TEX26: variants seen among roughly 807,000 people sequenced by gnomAD.
TEX26 encodes testis expressed 26, also known as testis-expressed protein 26.
TEX26 carries 34 observed loss-of-function variants against 35.3 expected under a neutral mutation model. That is an observed-to-expected ratio of 0.96 (90% CI 0.73 to 1.28). The LOEUF is 1.28. Among genes scored for constraint, TEX26 ranks in the 50% most tolerant of loss-of-function variants. The pLI, the probability that TEX26 is intolerant of heterozygous loss-of-function variation, is 0.00. For synonymous variants in TEX26, 136 were observed against 111.8 expected, an observed-to-expected ratio of 1.22 and a Z score of -1.36; for missense variants, 371 against 330.1, an observed-to-expected ratio of 1.12 and a Z score of -0.96.
intron 6 of TEX26, among the ~76,000 whole-genome samples, chr13:30,970,319 T>G (rs2138347175): frequency 6.6e-6 from 1 of 152,168 alleles, no homozygotes; most frequent in South Asian, 2.1e-4. Context: ...AAGAAGCAGG[T>G]GTTTCCCTCC....
chr13:30,945,929 C>A (rs529805268), intron 2 of TEX26, among the ~76,000 whole-genome samples: 2 of 151,798 alleles, frequency 1.3e-5, no homozygotes, highest in Non-Finnish European at 2.9e-5. Context: ...TGACTATAGG[C>A]GTTGGTAAAG....
chr13:30,948,643 C>G (rs1953807202), intron 2 of TEX26, among the ~76,000 whole-genome samples: 1 of 152,054 alleles, frequency 6.6e-6, no homozygotes, highest in African/African-American at 2.4e-5. Context: ...GATATTAGCC[C>G]TTTGTCAGAT....
chr13:30,951,851 T>C (rs1472668265), intron 2 of TEX26, among the ~76,000 whole-genome samples: 1 of 151,888 alleles, frequency 6.6e-6, no homozygotes, highest in East Asian at 1.9e-4. Flanking sequence ...TAAAAGGCAG[T>C]GGTTTGAAAT....
At chr13:30,939,928 A>G in intron 2 of TEX26, 150 bp downstream of exon 2, 1 of 676,174 alleles carries the variant, frequency 1.5e-6, no homozygotes, top group Non-Finnish European at 2.5e-6. Context: ...CCTCTGCTCC[A>G]AGCATCCGTG....
chr13:30,936,786 G>A (rs1298702943), intron 1 of TEX26: 2 of 985,380 alleles, frequency 2.0e-6, no homozygotes, highest in East Asian at 2.3e-4. Flanking sequence ...CGTAATCACA[G>A]GAAAGATGGA....
At chr13:30,952,576 A>G (rs1276902488) in intron 2 of TEX26, 84 bp from the exon 3 acceptor site, 15 of 1,131,012 alleles carry the variant, frequency 1.3e-5, no homozygotes, top group Non-Finnish European at 1.8e-5. Context: ...AAAAAATGTA[A>G]TGAGTAAAAT....
At chr13:30,964,639 T>C (rs1444320390) in intron 4 of TEX26, among the ~76,000 whole-genome samples, 1 of 152,188 alleles carries the variant, frequency 6.6e-6, no homozygotes, top group Non-Finnish European at 1.5e-5. Flanking sequence ...TTTGACAAAA[T>C]ATGTGAGACT....
At chr13:30,933,866 C>T (rs1446346957) in intron 1 of TEX26, 1 of 152,176 alleles carries the variant, frequency 6.6e-6, no homozygotes, top group Admixed American at 6.5e-5. Flanking sequence ...TTGGAGTCCC[C>T]CAGGATTGAT....
chr13:30,974,131 A>ATATATATATAT (rs1555271792), intron 6 of TEX26, among the ~76,000 whole-genome samples: 98 of 84,400 alleles, frequency 1.2e-3, no homozygotes, highest in African/African-American at 4.4e-3. Flanking sequence ...AAAAAAAAAA[A>ATATATATATAT]ATATATATAT....
At chr13:30,956,792 T>C in intron 3 of TEX26, 81 bp from the exon 4 acceptor site, 1 of 1,286,804 alleles carries the variant, frequency 7.8e-7, no homozygotes, top group East Asian at 2.3e-5. Context: ...CTGAAGAATA[T>C]GTGCACACAG....
rs1953895883 is a variant in TEX26 at position 30,950,877 on chromosome 13, C to T, written c.147-1783C>T. 2.6e-5 allele frequency among the ~76,000 whole-genome samples: 4 copies of T among 152,120 alleles called. No individual in the cohort carries two copies. The South Asian group carries it at 8.3e-4, about 32-fold the overall frequency. ...AGGCTTATTCCTCGAGACAATGCAC[C>T]ATAGAAAAAGCCTGTGGTGAAATGG... On this transcript the variant is annotated intron_variant, in intron 2 of 6. Transcript: ENST00000380473.
rs1488451571 is a variant in TEX26, at chr13:30,968,939, C to A, written c.701C>A (p.Thr234Asn). 5 of 1,613,950 alleles carry A rather than the reference C, an allele frequency of 3.1e-6. No homozygotes were observed. The East Asian group carries it at 8.9e-5, about 29-fold the overall frequency. ...AACCAAGAGCACACAAAGAAACAGA[C>A]CACATACCAAAGTGACTACGACAAA... is the stretch of plus-strand genomic sequence containing the variant. Reference protein sequence around the residue: ...LRNQEHTKKQTTYQSDYDKTY... With the variant: ...LRNQEHTKKQNTYQSDYDKTY... The change falls in exon 6 of 7, where the codon ACC becomes AAC. Residue 234 changes from threonine (T) to asparagine (N), a missense_variant. Coordinates refer to ENST00000380473, the MANE Select transcript of TEX26 (RefSeq NM_152325.3).
intron 3 of TEX26, among the ~76,000 whole-genome samples, chr13:30,953,286 C>T (rs1283607735): frequency 1.3e-5 from 2 of 152,096 alleles, no homozygotes; most frequent in Non-Finnish European, 2.9e-5. Flanking sequence ...TAATAGGTGA[C>T]CTTTTGTGTC....
intron 2 of TEX26, among the ~76,000 whole-genome samples, chr13:30,948,050 C>G (rs1316010688): frequency 1.3e-5 from 2 of 152,106 alleles, no homozygotes; most frequent in Non-Finnish European, 2.9e-5. Flanking sequence ...TCATCCCTGT[C>G]CCTACAAATG....
chr13:30,969,711 CT>C (rs1231631291), intron 6 of TEX26, among the ~76,000 whole-genome samples: 5 of 152,274 alleles, frequency 3.3e-5, no homozygotes, highest in African/African-American at 2.4e-5. Context: ...CACACACCCC[CT>C]ATTCCCCCTC....
At position 30,939,699 on chromosome 13, in the gene TEX26, G is replaced by T; in HGVS notation, c.67G>T (p.Asp23Tyr). 1 of 1,613,760 alleles carries T rather than the reference G, an allele frequency of 6.2e-7. No individual in the cohort carries two copies. Among genetic ancestry groups the T allele is most frequent in the South Asian group, 1.1e-5 (1 of 91,006 alleles). Residue 23 changes from aspartate to tyrosine, a missense_variant, in exon 2 of 7, where the codon GAC becomes TAC. By Grantham distance (160) the Asp-to-Tyr change is radical. Coordinates refer to ENST00000380473, the MANE Select transcript of TEX26 (RefSeq NM_152325.3). ...CTGCTTTATTGTACTTTTAGCAGAT[G>T]ACCCCAACTGGGATTCCTATGCTAC... ...LCHHNLQPTDDPNWDSYATTM... is the reference protein window; with the variant it reads ...LCHHNLQPTDYPNWDSYATTM...
At chr13:30,962,734 G>A (rs1954390823) in intron 4 of TEX26, among the ~76,000 whole-genome samples, 1 of 152,236 alleles carries the variant, frequency 6.6e-6, no homozygotes, top group Non-Finnish European at 1.5e-5. Flanking sequence ...TGGCTTTGAT[G>A]AATCAGAGCA....
chr13:30,972,287 G>T (rs554323447), intron 6 of TEX26, among the ~76,000 whole-genome samples: 1 of 152,152 alleles, frequency 6.6e-6, no homozygotes, highest in Non-Finnish European at 1.5e-5. Context: ...AAATGAATTT[G>T]CATTTATACA....
At chr13:30,959,248 G>A (rs1954249428) in intron 4 of TEX26, among the ~76,000 whole-genome samples, 10 of 152,154 alleles carry the variant, frequency 6.6e-5, no homozygotes, top group Admixed American at 6.6e-4. Flanking sequence ...AACAACAGTA[G>A]TTCCTTGACC....
Sources: allele counts gnomAD v4.1 joint callset (sites outside exome capture counted in the v4.1 genomes callset), GRCh38; gene constraint gnomAD v4.1.1; transcripts MANE v1.5; gene names NCBI Gene and HGNC (gene_info 2026-07-23, HGNC 2026-07-21).